The following ASXL1 variants were observed in gnomAD, a reference collection of about 807,000 sequenced individuals.
The protein encoded by ASXL1 is ASXL transcriptional regulator 1.
In ASXL1, 65 loss-of-function variants were observed where a neutral mutation model predicts 89.1. That is an observed-to-expected ratio of 0.73 (90% CI 0.60 to 0.90). ASXL1 has a LOEUF of 0.90. Among genes scored for constraint, ASXL1 ranks in the 40% least tolerant of loss-of-function variants. The probability of loss-of-function intolerance (pLI) is 0.00; values close to 1 mark genes in which losing one functional copy is unlikely to be tolerated. For missense variants in ASXL1, 1,786 were observed against 1,942.9 expected, an observed-to-expected ratio of 0.92 and a Z score of 1.52; for synonymous variants, 739 against 746.9, an observed-to-expected ratio of 0.99 and a Z score of 0.17.
At chr20:32,369,324 C>T (rs756975408) in intron 4 of ASXL1, among the ~76,000 whole-genome samples, 1 of 151,922 alleles carries the variant, frequency 6.6e-6, no homozygotes, top group Non-Finnish European at 1.5e-5. Flanking sequence ...TCTCGGCTCA[C>T]TGCAATCTCT....
chr20:32,406,052 T>G (rs2048949027), intron 4 of ASXL1, among the ~76,000 whole-genome samples: 1 of 152,176 alleles, frequency 6.6e-6, no homozygotes. Context: ...GGAGTGTTGG[T>G]GATCCCAGTT....
intron 8 of ASXL1, chr20:32,431,085 C>T: frequency 3.0e-6 from 2 of 675,632 alleles, no homozygotes; most frequent in Admixed American, 4.1e-5. Flanking sequence ...GGCTGTGACA[C>T]AGCACGGTAC....
At chr20:32,395,102 A>G (rs1462818880) in intron 4 of ASXL1, among the ~76,000 whole-genome samples, 1 of 152,094 alleles carries the variant, frequency 6.6e-6, no homozygotes, top group Non-Finnish European at 1.5e-5. Context: ...GCGGTTCCAG[A>G]TTCTCATCTG....
chr20:32,434,409 A>G, intron 12 of ASXL1, 23 bp from the exon 13 acceptor site: 2 of 1,613,358 alleles, frequency 1.2e-6, no homozygotes, highest in Non-Finnish European at 1.7e-6. Flanking sequence ...AGTTAAAACT[A>G]TTTTCTAATT....
chr20:32,428,158 G>A lies in ASXL1; in HGVS notation c.283G>A (p.Ala95Thr), dbSNP rs2011386443. Residue 95 changes from alanine to threonine, a missense_variant, in exon 5 of 13, where the codon GCT becomes ACT. Coordinates refer to ENST00000375687, the MANE Select transcript of ASXL1 (RefSeq NM_015338.6). ...KDALQWSRHP[A>T]TVEGEEPEDT... ...TGCCCTGCAGTGGTCTCGCCATCCA[G>A]CTACAGTGGAGGGAGAGGAGCCAGA... The A allele has an allele frequency of 6.2e-7, 1 of 1,613,908 alleles. No homozygotes were observed. The highest frequency in any genetic ancestry group is 1.1e-5 in the South Asian group (1 of 91,060).
chr20:32,414,914 A>G (rs553606813), intron 4 of ASXL1, among the ~76,000 whole-genome samples: 3 of 152,086 alleles, frequency 2.0e-5, no homozygotes, highest in African/African-American at 2.4e-5. Context: ...TCATAGTACT[A>G]CTACTATTTG....
chr20:32,359,454 C>A, intron 1 of ASXL1: 1 of 695,724 alleles, frequency 1.4e-6, no homozygotes. Context: ...TAGGGCCCTT[C>A]GTAAGACCTG....
chr20:32,395,947 C>T (rs2048754869), intron 4 of ASXL1, among the ~76,000 whole-genome samples: 1 of 151,972 alleles, frequency 6.6e-6, no homozygotes, highest in African/African-American at 2.4e-5. Flanking sequence ...TACAGGCATG[C>T]ATCACCATGT....
chr20:32,435,065 G>A lies in ASXL1; in HGVS notation c.2353G>A (p.Val785Ile). Residue 785 changes from valine to isoleucine, a missense_variant, in exon 13 of 13, where the codon GTT becomes ATT. By Grantham distance (29) the Val-to-Ile change is conservative (BLOSUM62 3). Coordinates refer to ENST00000375687, the MANE Select transcript of ASXL1 (RefSeq NM_015338.6). The stretch of plus-strand genomic sequence containing the variant: ...GGAGCAGCCTCAGTTGCATCCGGAT[G>A]TTAGAACTGAATGTGAGTCTGGCAC... The part of the protein sequence containing the change: ...LVEQPQLHPD[V>I]RTECESGTTS... 6.2e-7 allele frequency: 1 copy of A among 1,614,164 alleles called. No individual in the cohort carries two copies. The highest frequency in any genetic ancestry group is 2.2e-5 in the East Asian group (1 of 44,878).
chr20:32,436,263 C>T lies in ASXL1; in HGVS notation c.3551C>T (p.Thr1184Ile). ...CCTCTTCTGCCAGATAGCTGTGAAA[C>T]AGGCACTGGTCTTGCCAGGATTGAG... ...KEPLLPDSCETGTGLARIEAT... is the reference protein window; with the variant it reads ...KEPLLPDSCEIGTGLARIEAT... Residue 1184 changes from threonine (T) to isoleucine (I), a missense_variant, in exon 13 of 13, where the codon ACA (threonine) becomes ATA (isoleucine). This residue lies in a region of ASXL1 where 1,418 missense variants were observed against 1,427.8 expected (regional missense o/e 0.99). Coordinates refer to ENST00000375687, the MANE Select transcript of ASXL1 (RefSeq NM_015338.6). 1.2e-6 allele frequency: 2 copies of T among 1,614,208 alleles called. No individual in the cohort carries two copies. Among genetic ancestry groups the T allele is most frequent in the Non-Finnish European group, 1.7e-6 (2 of 1,180,044 alleles).
intron 2 of ASXL1, chr20:32,366,672 C>A: frequency 2.9e-6 from 2 of 688,342 alleles, no homozygotes; most frequent in Non-Finnish European, 3.6e-6. Context: ...TTTAGAGGTG[C>A]AGTGGCTTTC....
At chr20:32,384,276 T>G (rs913412877) in intron 4 of ASXL1, among the ~76,000 whole-genome samples, 1 of 150,166 alleles carries the variant, frequency 6.7e-6, no homozygotes, top group East Asian at 2.0e-4. Context: ...GTGTGATCTT[T>G]GCTCACTGCA....
chr20:32,420,384 G>A (rs960641778), intron 4 of ASXL1, among the ~76,000 whole-genome samples: 2 of 151,854 alleles, frequency 1.3e-5, no homozygotes, highest in African/African-American at 2.4e-5. Context: ...CAATTTAAAT[G>A]TTAGCTCTCC....
rs370929899 is a variant in ASXL1, at chr20:32,435,125, C to G, written c.2413C>G (p.Pro805Ala). ...SWESDDEEQG[P>A]TVPADNGPIP... is the part of the protein sequence containing the mutation. ...GGAAAGTGATGATGAGGAGCAAGGA[C>G]CCACCGTTCCTGCAGACAATGGTCC... Residue 805 changes from proline (P) to alanine (A), a missense_variant, in exon 13 of 13, where the codon CCC (proline) becomes GCC (alanine). Physicochemically the swap from Pro to Ala is conservative, Grantham distance 27 (BLOSUM62 -1). This residue lies in a region of ASXL1 where 1,418 missense variants were observed against 1,427.8 expected (regional missense o/e 0.99). Transcript: ENST00000375687. 6.2e-7 allele frequency: 1 copy of G among 1,613,896 alleles called. No individual in the cohort carries two copies. The highest frequency in any genetic ancestry group is 2.2e-5 in the East Asian group (1 of 44,872).
chr20:32,420,910 C>A (rs2049233093), intron 4 of ASXL1, among the ~76,000 whole-genome samples: 1 of 152,056 alleles, frequency 6.6e-6, no homozygotes, highest in Admixed American at 6.6e-5. Context: ...TGAGTTCATG[C>A]CCTTTGCAGG....
chr20:32,429,112 A>G lies in ASXL1; in HGVS notation c.472-226A>G. 1 of 553,344 alleles carries G rather than the reference A, an allele frequency of 1.8e-6. No individual in the cohort carries two copies. Among genetic ancestry groups the G allele is most frequent in the Non-Finnish European group, 3.3e-6 (1 of 306,908 alleles). The allele number at this position is 553,344 out of a possible 1,614,324, so 34.3% of individuals were successfully genotyped here. A position where few individuals can be genotyped will look rare whatever the true frequency, so the allele number is the denominator to read the frequency against. On this transcript the variant is annotated intron_variant, in intron 6 of 12. Coordinates refer to ENST00000375687, the MANE Select transcript of ASXL1 (RefSeq NM_015338.6). The surrounding 1 kb of genome is among the most constrained non-coding windows in gnomAD (Gnocchi z 4.9). ...GACTTGGGGAAAATTCCTTACCTGTAAAATGGGGATAACAGTACATTTTTG... is the reference window on the plus strand; with the variant it reads ...GACTTGGGGAAAATTCCTTACCTGTGAAATGGGGATAACAGTACATTTTTG...
intron 4 of ASXL1, among the ~76,000 whole-genome samples, chr20:32,398,220 T>A (rs994332818): frequency 8.5e-5 from 13 of 152,298 alleles, no homozygotes; most frequent in South Asian, 2.1e-4. Flanking sequence ...TTTATTTTTT[T>A]AATTTTATAT....
intron 4 of ASXL1, chr20:32,371,704 CA>C: frequency 2.4e-6 from 1 of 416,892 alleles, no homozygotes; most frequent in Non-Finnish European, 4.9e-6. Context: ...CTCCTGGGCT[CA>C]AGCAGTAGTC....
At position 32,436,170 on chromosome 20, in the gene ASXL1, A is replaced by T; in HGVS notation, c.3458A>T (p.His1153Leu). The part of the protein sequence containing the change: ...SHGSLRMGSL[H>L]GLGKNSGMVD... ...GGCTCGCTACGCATGGGATCTTTAC[A>T]TGGTCTTGGAAAAAACAGTGGCATG... The change falls in exon 13 of 13, where the codon CAT becomes CTT. Residue 1153 changes from histidine (H) to leucine (L), a missense_variant. Coordinates refer to ENST00000375687, the MANE Select transcript of ASXL1 (RefSeq NM_015338.6). 6.2e-7 allele frequency: 1 copy of T among 1,614,220 alleles called. No individual in the cohort carries two copies. Among genetic ancestry groups the T allele is most frequent in the Non-Finnish European group, 8.5e-7 (1 of 1,180,052 alleles).
Sources: allele counts gnomAD v4.1 joint callset (sites outside exome capture counted in the v4.1 genomes callset), GRCh38; gene constraint gnomAD v4.1.1; regional missense constraint gnomAD v4.1.1; non-coding constraint Gnocchi (gnomAD v3.1); transcripts MANE v1.5; gene names NCBI Gene and HGNC (gene_info 2026-07-23, HGNC 2026-07-21).